The following SPTB variants were observed in gnomAD, a reference collection of about 807,000 sequenced individuals.
The protein encoded by SPTB is spectrin beta chain, erythrocytic.
In SPTB, 45 loss-of-function variants were observed where a neutral mutation model predicts 256.2. That is an observed-to-expected ratio of 0.18 (90% CI 0.14 to 0.23). The LOEUF is 0.23. SPTB is among the 10% of genes least tolerant of loss of function. SPTB has a pLI of 1.00. For synonymous variants in SPTB, 1,231 were observed against 1,243.1 expected (o/e 0.99, Z 0.21); for missense variants, 2,715 against 3,040.4 (o/e 0.89, Z 2.52).
At chr14:64,862,618 A>G (rs1881916402) in intron 1 of SPTB, among the ~76,000 whole-genome samples, 1 of 152,080 alleles carries the variant, frequency 6.6e-6, no homozygotes, top group Non-Finnish European at 1.5e-5. Flanking sequence ...TCACAACTGT[A>G]ATCCCAGCAC....
intron 24 of SPTB, 70 bp downstream of exon 24, chr14:64,774,327 G>A: frequency 6.6e-7 from 1 of 1,519,496 alleles, no homozygotes; most frequent in Non-Finnish European, 8.9e-7. Context: ...AAATCTGAAG[G>A]GACGTTGGCT....
rs2083354988 is a variant in SPTB at position 64,825,015 on chromosome 14, G to A, written c.-51-1870C>T. Among the ~76,000 whole-genome samples the A allele has an allele frequency of 6.6e-6, 1 of 152,138 alleles. No homozygotes were observed. The highest frequency in any genetic ancestry group is 2.1e-4 in the South Asian group (1 of 4,828). On this transcript the variant is annotated intron_variant, in intron 1 of 35. Coordinates refer to ENST00000644917, the MANE Select transcript of SPTB (RefSeq NM_001355436.2). This position sits in a 1 kb window ranked among gnomAD's most constrained non-coding sequence, Gnocchi z 4.8. Reference sequence around the variant, plus strand: ...TGCGGCTGGGACCAAAGGCCAAACTGGAGCGCAGTTTATCCCCCTTGACCA... The same window carrying A: ...TGCGGCTGGGACCAAAGGCCAAACTAGAGCGCAGTTTATCCCCCTTGACCA...
chr14:64,753,939 G>A, intron 32 of SPTB, 146 bp from the exon 33 acceptor site: 1 of 1,074,920 alleles, frequency 9.3e-7, no homozygotes, highest in Non-Finnish European at 1.4e-6. Context: ...GCCCACCCTG[G>A]CTCTCCCACA....
intron 8 of SPTB, 55 bp downstream of exon 8, chr14:64,800,701 T>C: frequency 6.7e-7 from 1 of 1,496,052 alleles, no homozygotes; most frequent in Non-Finnish European, 9.3e-7. Flanking sequence ...GGCCACTCTG[T>C]CTGGACCTGA....
At chr14:64,804,809 G>A (rs1244422305) in intron 3 of SPTB, 130 bp downstream of exon 3, 10 of 1,218,364 alleles carry the variant, frequency 8.2e-6, no homozygotes, top group Middle Eastern at 2.8e-4. Flanking sequence ...CCCATTCTAA[G>A]TATTAGAGCC....
intron 1 of SPTB, among the ~76,000 whole-genome samples, chr14:64,862,873 C>CA (rs5809252): frequency 0.1 from 14,977 of 150,248 alleles, 939 homozygotes; most frequent in Non-Finnish European, 0.14. Flanking sequence ...ACAATAACAA[C>CA]AAAAAAAAAC....
At position 64,749,600 on chromosome 14, in the gene SPTB, GTCC is replaced by G; in HGVS notation, c.6819+51_6819+53del. On this transcript the variant is annotated intron_variant, in intron 35 of 35. Coordinates refer to ENST00000644917, the MANE Select transcript of SPTB (RefSeq NM_001355436.2). This position sits in a 1 kb window ranked among gnomAD's most constrained non-coding sequence, Gnocchi z 4.7. ...GGGCCTCCAGGGCAAGCGGCCTGGG[GTCC>G]TCCACCTACCCCCTTCTTAGCCAGG... 6.2e-7 allele frequency: 1 copy of G among 1,611,258 alleles called. No homozygotes were observed. Among genetic ancestry groups the G allele is most frequent in the Non-Finnish European group, 8.5e-7 (1 of 1,179,622 alleles).
Position 64,767,788 on chromosome 14 carries a change from G to A in SPTB, c.6094C>T (p.Leu2032=). ...EAWLIAQEPY[L]ASGDFGHTVD... is the part of the protein sequence containing the mutation. ...GTGTGTCCAAAGTCCCCGCTGGCCA[G>A]GTAGGGCTCCTGGGCAATCAGCCAC... The change falls in exon 30 of 36, where the codon CTG becomes TTG. Residue 2032 remains leucine, a synonymous_variant. Transcript: ENST00000644917. 1 of 1,614,162 alleles carries A rather than the reference G, an allele frequency of 6.2e-7. No individual in the cohort carries two copies. The highest frequency in any genetic ancestry group is 2.2e-5 in the East Asian group (1 of 44,860).
In SPTB at chr14:64,848,595, A is replaced by G. The variant is rs115444588; in HGVS notation, c.-51-25450T>C. Among the ~76,000 whole-genome samples, 230 of 152,362 alleles carry G rather than the reference A, an allele frequency of 1.5e-3. 2 individuals are homozygous for G. Among genetic ancestry groups the G allele is most frequent in the African/African-American group, 5.2e-3 (215 of 41,568 alleles). ...ATAAGTTAATTATTGTGCATATTAC[A>G]TCGCTGAATTACAAAACTGCAAGAT... On this transcript the variant is annotated intron_variant, in intron 1 of 35. Transcript: ENST00000644917.
Position 64,782,476 on chromosome 14 carries a change from G to C in SPTB, c.4080C>G (p.Leu1360=), listed in dbSNP as rs1269000230. ...TTGTGGTGGCCTGCAGCTCGTCCCA[G>C]AGCCGGTGCAGGGCTTCCAGCTTTT... ...VSQKLEALHR[L]WDELQATTKE... The change falls in exon 20 of 36, where the codon CTC becomes CTG. Residue 1360 remains leucine, a synonymous_variant. Coordinates refer to ENST00000644917, the MANE Select transcript of SPTB (RefSeq NM_001355436.2). The C allele has an allele frequency of 6.2e-7, 1 of 1,614,062 alleles. No homozygotes were observed. The highest frequency in any genetic ancestry group is 8.5e-7 in the Non-Finnish European group (1 of 1,180,050).
rs1245500700 is a variant in SPTB at position 64,845,717 on chromosome 14, T to A, written c.-51-22572A>T. On this transcript the variant is annotated intron_variant, in intron 1 of 35. Transcript: ENST00000644917. This position sits in a 1 kb window ranked among gnomAD's most constrained non-coding sequence, Gnocchi z 4.8. ...TATCATGTTTTAGGGATTAGAAGTT[T>A]CCCTGTGTGTTTCCCCAACTTTGTG... 6.6e-6 allele frequency among the ~76,000 whole-genome samples: 1 copy of A among 152,224 alleles called. No individual in the cohort carries two copies. The highest frequency in any genetic ancestry group is 2.4e-5 in the African/African-American group (1 of 41,458).
intron 2 of SPTB, among the ~76,000 whole-genome samples, chr14:64,814,331 A>G (rs942732962): frequency 1.3e-5 from 2 of 152,198 alleles, no homozygotes; most frequent in Non-Finnish European, 2.9e-5. Flanking sequence ...AGATTATATT[A>G]TAGATAACAC....
chr14:64,798,967 A>C (rs1271040), intron 9 of SPTB, among the ~76,000 whole-genome samples: 2 of 152,078 alleles, frequency 1.3e-5, no homozygotes, highest in Middle Eastern at 3.2e-3. Flanking sequence ...TTGTGTGTGC[A>C]TGTGCACATG....
At chr14:64,784,171 C>T in intron 19 of SPTB, 76 bp downstream of exon 19, 2 of 1,602,412 alleles carry the variant, frequency 1.2e-6, no homozygotes, top group Non-Finnish European at 1.7e-6. Context: ...GGACAGGGTC[C>T]ACACCCTGGG....
intron 27 of SPTB, 83 bp downstream of exon 27, chr14:64,770,802 G>A (rs2082268097): frequency 6.3e-7 from 1 of 1,597,702 alleles, no homozygotes; most frequent in South Asian, 1.1e-5. Context: ...CCTTCACGGA[G>A]GAGCCACAGT....
chr14:64,864,922 G>A (rs1373517150), intron 1 of SPTB, among the ~76,000 whole-genome samples: 2 of 152,172 alleles, frequency 1.3e-5, no homozygotes, highest in African/African-American at 2.4e-5. Context: ...CACTGACTAT[G>A]CAAGCTCATG....
At chr14:64,821,826 C>T (rs1184927472) in intron 2 of SPTB, among the ~76,000 whole-genome samples, 1 of 152,088 alleles carries the variant, frequency 6.6e-6, no homozygotes, top group Non-Finnish European at 1.5e-5. Flanking sequence ...ATTCCTTTCC[C>T]GGCATGAGAA....
At position 64,775,649 on chromosome 14, in the gene SPTB, G is replaced by A. The variant is rs536225577; in HGVS notation, c.4564-246C>T. Among the ~76,000 whole-genome samples, 139 of 152,386 alleles carry A rather than the reference G, an allele frequency of 9.1e-4. No homozygotes were observed. Among genetic ancestry groups the A allele is most frequent in the Admixed American group, 1.5e-3 (23 of 15,310 alleles). The stretch of plus-strand genomic sequence containing the variant: ...GTGGAGACCAGCATGCAGCAGTGAA[G>A]TCACTCAGTGGCAGAGCCGGAGTTG... On this transcript the variant is annotated intron_variant, in intron 22 of 35. Transcript: ENST00000644917. This position sits in a 1 kb window ranked among gnomAD's most constrained non-coding sequence, Gnocchi z 5.0.
At chr14:64,813,909 G>A (rs8017192) in intron 2 of SPTB, among the ~76,000 whole-genome samples, 8,104 of 152,270 alleles carry the variant, frequency 0.053, 778 homozygotes, top group African/African-American at 0.18. Flanking sequence ...CTAGCATGGG[G>A]CAGACTCTCA....
Sources: allele counts gnomAD v4.1 joint callset (sites outside exome capture counted in the v4.1 genomes callset), GRCh38; gene constraint gnomAD v4.1.1; non-coding constraint Gnocchi (gnomAD v3.1); transcripts MANE v1.5; gene names NCBI Gene and HGNC (gene_info 2026-07-23, HGNC 2026-07-21).